Variants in EMCN observed in about 807,000 individuals in gnomAD.
The protein encoded by EMCN is endomucin.
EMCN carries 37 observed loss-of-function variants against 38.4 expected under a neutral mutation model. The ratio of observed to expected loss-of-function variants is 0.96; its 90% CI spans 0.74 to 1.27. The LOEUF (loss-of-function observed/expected upper bound fraction) is 1.27. EMCN is among the 50% of genes most tolerant of loss of function. The pLI, the probability that EMCN is intolerant of heterozygous loss-of-function variation, is 0.00. For synonymous variants in EMCN, 95 were observed against 100.8 expected, an observed-to-expected ratio of 0.94 and a Z score of 0.35; for missense variants, 318 against 302.8, an observed-to-expected ratio of 1.05 and a Z score of -0.37.
chr4:100,458,944 G>A lies in EMCN; in HGVS notation c.376+6479C>T, dbSNP rs553148300. On this transcript the variant is annotated intron_variant, in intron 4 of 11. Transcript: ENST00000296420. The stretch of plus-strand genomic sequence containing the variant: ...CCTTCCCCTGGGTGCTAGAGGCTCT[G>A]TTCAGCATGGAGAGAGGTTCTTTGC... Among the ~76,000 whole-genome samples the A allele has an allele frequency of 1.1e-4, 17 of 152,164 alleles. 1 individual carries two copies. In the South Asian group the frequency reaches 3.3e-3, roughly 30 times the overall value.
Position 100,441,124 on chromosome 4 carries a change from A to G in EMCN, c.415+6409T>C, listed in dbSNP as rs557475305. 9.9e-5 allele frequency among the ~76,000 whole-genome samples: 15 copies of G among 151,914 alleles called. No homozygotes were observed. In the South Asian group the frequency reaches 2.7e-3, roughly 27 times the overall value. ...AAGTGGGGTATTAAAGTCCTTCAAT[A>G]TTATAATATTGCTCTTTATTTCTCC... is the stretch of plus-strand genomic sequence containing the variant. On this transcript the variant is annotated intron_variant, in intron 5 of 11. Coordinates refer to ENST00000296420, the MANE Select transcript of EMCN (RefSeq NM_016242.4).
At chr4:100,516,828 C>A (rs1729771431) in intron 1 of EMCN, among the ~76,000 whole-genome samples, 1 of 151,966 alleles carries the variant, frequency 6.6e-6, no homozygotes, top group African/African-American at 2.4e-5. Context: ...TGAGAATGAG[C>A]AAAATAAAAT....
chr4:100,466,533 A>C (rs2110264667), intron 3 of EMCN, among the ~76,000 whole-genome samples: 1 of 152,380 alleles, frequency 6.6e-6, no homozygotes, highest in East Asian at 1.9e-4. Context: ...TCAGGTAAAA[A>C]GCCTTTGGGA....
intron 7 of EMCN, among the ~76,000 whole-genome samples, chr4:100,421,765 G>T (rs1392887): frequency 0.62 from 94,748 of 151,820 alleles, 31,706 homozygotes; most frequent in African/African-American, 0.86. Flanking sequence ...ATAACCCAAC[G>T]GGGATTGCTT....
chr4:100,508,917 A>C (rs1418339650), intron 1 of EMCN, among the ~76,000 whole-genome samples: 1 of 152,214 alleles, frequency 6.6e-6, no homozygotes, highest in Non-Finnish European at 1.5e-5. Context: ...AGTTTAGCCA[A>C]CCAAACGAGT....
At chr4:100,461,558 C>A (rs1241580793) in intron 4 of EMCN, among the ~76,000 whole-genome samples, 2 of 151,974 alleles carry the variant, frequency 1.3e-5, no homozygotes, top group Non-Finnish European at 2.9e-5. Context: ...AAAGTCAGAG[C>A]ACTAGATTAA....
intron 1 of EMCN, among the ~76,000 whole-genome samples, chr4:100,498,618 A>G (rs1333641739): frequency 6.6e-6 from 1 of 151,946 alleles, no homozygotes; most frequent in Non-Finnish European, 1.5e-5. Flanking sequence ...AGTAGCTGGG[A>G]TTACAGGCGC....
At chr4:100,506,041 C>A (rs1729471758) in intron 1 of EMCN, among the ~76,000 whole-genome samples, 1 of 151,948 alleles carries the variant, frequency 6.6e-6, no homozygotes, top group Non-Finnish European at 1.5e-5. Context: ...TAGTGGGAAA[C>A]AAAAATAAAA....
chr4:100,420,773 G>A (rs1003071301), intron 8 of EMCN, among the ~76,000 whole-genome samples: 1 of 152,006 alleles, frequency 6.6e-6, no homozygotes, highest in Non-Finnish European at 1.5e-5. Context: ...GTAACTCTAA[G>A]TCTACTCTAA....
intron 5 of EMCN, among the ~76,000 whole-genome samples, chr4:100,447,102 C>G (rs1727692408): frequency 6.6e-6 from 1 of 152,160 alleles, no homozygotes; most frequent in Non-Finnish European, 1.5e-5. Context: ...AATACGAGCA[C>G]TAATTGGAAT....
intron 6 of EMCN, 93 bp downstream of exon 6, chr4:100,423,219 A>G (rs1199860587): frequency 3.0e-5 from 39 of 1,321,628 alleles, no homozygotes; most frequent in Non-Finnish European, 4.1e-5. Flanking sequence ...CTCATTCTGA[A>G]GGAGCTCTGT....
chr4:100,500,712 A>C (rs1468630841), intron 1 of EMCN, among the ~76,000 whole-genome samples: 2 of 152,146 alleles, frequency 1.3e-5, no homozygotes, highest in African/African-American at 4.8e-5. Flanking sequence ...TATTGATTAT[A>C]GCTATAGTCA....
At chr4:100,423,150 T>A (rs561763267) in intron 6 of EMCN, 70 bp from the exon 7 acceptor site, 171 of 1,479,986 alleles carry the variant, frequency 1.2e-4, no homozygotes, top group Middle Eastern at 1.7e-4. Flanking sequence ...CCCTCCACCC[T>A]CATTTAAGGA....
At chr4:100,413,891 CTATT>C (rs1403756349) in intron 10 of EMCN, among the ~76,000 whole-genome samples, 1 of 152,212 alleles carries the variant, frequency 6.6e-6, no homozygotes, top group African/African-American at 2.4e-5. Flanking sequence ...GGCCAACGGT[CTATT>C]TAACTAGTCT....
At chr4:100,432,465 G>T (rs921255401) in intron 5 of EMCN, among the ~76,000 whole-genome samples, 2 of 152,032 alleles carry the variant, frequency 1.3e-5, no homozygotes, top group Admixed American at 6.6e-5. Context: ...CTAATGGCAG[G>T]TTCCATGTAT....
chr4:100,467,295 A>G (rs572612633), intron 3 of EMCN, among the ~76,000 whole-genome samples: 278 of 152,342 alleles, frequency 1.8e-3, no homozygotes, highest in African/African-American at 6.3e-3. Flanking sequence ...CCACAGCCAC[A>G]AATTTTTAAA....
At chr4:100,421,447 G>A (rs946201110) in intron 7 of EMCN, 70 bp from the exon 8 acceptor site, 5 of 1,151,010 alleles carry the variant, frequency 4.3e-6, no homozygotes, top group Non-Finnish European at 6.5e-6. Context: ...TGGTAAGTGA[G>A]CCAAAGCATG....
chr4:100,421,453 G>A (rs1440947619), intron 7 of EMCN, 76 bp from the exon 8 acceptor site: 8 of 1,042,956 alleles, frequency 7.7e-6, no homozygotes, highest in Admixed American at 1.8e-5. Context: ...GTGAGCCAAA[G>A]CATGAGTACT....
At chr4:100,475,704 A>G (rs1361282450) in intron 2 of EMCN, among the ~76,000 whole-genome samples, 1 of 107,552 alleles carries the variant, frequency 9.3e-6, no homozygotes, top group Non-Finnish European at 1.7e-5. Flanking sequence ...TGGAGACAGA[A>G]TCTCGCTCTG....
Sources: gnomAD v4.1 joint callset for allele counts (sites outside exome capture counted in the v4.1 genomes callset) on GRCh38, gnomAD v4.1.1 for gene constraint, MANE v1.5 for transcripts, NCBI Gene and HGNC (gene_info 2026-07-23, HGNC 2026-07-21) for gene names.